The following POTEI variants were observed in gnomAD, a reference collection of about 807,000 sequenced individuals.
POTEI encodes POTE ankyrin domain family, member I.
Under a neutral mutation model 43.4 loss-of-function variants are expected in POTEI, and 14 were observed. The ratio of observed to expected loss-of-function variants is 0.32; its 90% confidence interval spans 0.21 to 0.50. The LOEUF (loss-of-function observed/expected upper bound fraction) is 0.50. POTEI is among the 20% of genes least tolerant of loss of function. POTEI has a pLI of 0.98. For missense variants in POTEI, 235 were observed against 795.4 expected, an observed-to-expected ratio of 0.30 and a Z score of 8.47; for synonymous variants, 95 against 297.9, an observed-to-expected ratio of 0.32 and a Z score of 7.01.
chr2:130,483,846 G>T (rs1377129584), intron 9 of POTEI, among the ~76,000 whole-genome samples: 1 of 150,646 alleles, frequency 6.6e-6, no homozygotes, highest in Non-Finnish European at 1.5e-5. Flanking sequence ...CTCCCAAAGT[G>T]CTGTGATTAC....
chr2:130,461,034 AG>A lies in POTEI; in HGVS notation c.*1781del, dbSNP rs1297772651. The A allele has an allele frequency of 6.6e-6, 1 of 150,626 alleles. No homozygotes were observed. Among genetic ancestry groups the A allele is most frequent in the Non-Finnish European group, 1.5e-5 (1 of 67,982 alleles). 9.3% of individuals were successfully genotyped at this position (150,626 alleles called of 1,614,324 possible). ...CTAATTGCCTTGTATTTTCCAGGGAAGATGATAGTCTGCCCCTTCCTCTGGA... is the reference window on the plus strand; with the variant it reads ...CTAATTGCCTTGTATTTTCCAGGGAAATGATAGTCTGCCCCTTCCTCTGGA... On this transcript the variant is annotated 3_prime_UTR_variant, in exon 15 of 15. Transcript: ENST00000451531.
intron 9 of POTEI, among the ~76,000 whole-genome samples, chr2:130,482,508 A>G (rs1394864610): frequency 6.6e-6 from 1 of 150,658 alleles, no homozygotes; most frequent in Non-Finnish European, 1.5e-5. Flanking sequence ...TGCTCAAAGA[A>G]ATAGTAAAAC....
intron 13 of POTEI, among the ~76,000 whole-genome samples, chr2:130,468,701 A>T (rs1682939495): frequency 1.1e-5 from 1 of 94,244 alleles, no homozygotes; most frequent in Admixed American, 1.1e-4. Context: ...AAGCCAAACT[A>T]TTGGGGGGGG....
At chr2:130,482,466 A>G (rs1347351097) in intron 9 of POTEI, among the ~76,000 whole-genome samples, 11 of 150,662 alleles carry the variant, frequency 7.3e-5, no homozygotes, top group Admixed American at 1.3e-4. Flanking sequence ...CTAGGTTGTT[A>G]TAATGATTTA....
Position 130,462,427 on chromosome 2 carries a change from T to G in POTEI, c.*389A>C, listed in dbSNP as rs1573904755. The G allele has an allele frequency of 4.1e-6, 1 of 243,214 alleles. No individual in the cohort carries two copies. Among genetic ancestry groups the G allele is most frequent in the East Asian group, 1.2e-4 (1 of 8,254 alleles). The allele number at this position is 243,214 out of a possible 1,614,324, so 15.1% of individuals were successfully genotyped here. On this transcript the variant is annotated 3_prime_UTR_variant, in exon 15 of 15. Coordinates refer to ENST00000451531, the MANE Select transcript of POTEI (RefSeq NM_001277406.2). The stretch of plus-strand genomic sequence containing the variant: ...CGAAGATTCAAAAAATTTTGCATTA[T>G]GTAATCTGCACAAAAGCAATGCTAT...
At chr2:130,474,064 C>T in intron 13 of POTEI, among the ~76,000 whole-genome samples, 1 of 147,088 alleles carries the variant, frequency 6.8e-6, no homozygotes, top group Non-Finnish European at 1.5e-5. Flanking sequence ...ATAATCTGTA[C>T]CCCAAGCCTC....
intron 1 of POTEI, among the ~76,000 whole-genome samples, chr2:130,507,025 G>A (rs866125709): frequency 2.7e-5 from 4 of 148,082 alleles, no homozygotes; most frequent in Non-Finnish European, 6.0e-5. Flanking sequence ...AGCACTTGGG[G>A]AGGCCAAGGT....
At chr2:130,494,893 G>T (rs1357408505) in intron 6 of POTEI, among the ~76,000 whole-genome samples, 1 of 86,372 alleles carries the variant, frequency 1.2e-5, no homozygotes, top group African/African-American at 3.0e-5. Context: ...TCATAAACTT[G>T]CCTTAGCTAA....
chr2:130,508,079 C>T (rs1393597383), intron 1 of POTEI, among the ~76,000 whole-genome samples: 4 of 4,428 alleles, frequency 9.0e-4, no homozygotes, highest in African/African-American at 9.7e-4. Context: ...AGGGTTTCAC[C>T]GTGTTAGCCA....
At chr2:130,468,707 G>A (rs866784091) in intron 13 of POTEI, among the ~76,000 whole-genome samples, 4 of 151,098 alleles carry the variant, frequency 2.6e-5, no homozygotes, top group South Asian at 2.1e-4. Flanking sequence ...AACTATTGGG[G>A]GGGGGGGTAT....
At chr2:130,479,314 G>C (rs987608411) in intron 10 of POTEI, among the ~76,000 whole-genome samples, 2 of 149,426 alleles carry the variant, frequency 1.3e-5, no homozygotes, top group African/African-American at 5.0e-5. Flanking sequence ...GCATAACGAA[G>C]GCCAACATAG....
At chr2:130,484,952 G>C (rs1240950377) in intron 9 of POTEI, among the ~76,000 whole-genome samples, 1 of 152,244 alleles carries the variant, frequency 6.6e-6, no homozygotes, top group Admixed American at 6.5e-5. Context: ...CAGAGGGACA[G>C]ATGAGTCAAG....
intron 13 of POTEI, among the ~76,000 whole-genome samples, chr2:130,469,138 T>TTA (rs1573912029): frequency 1.2e-4 from 1 of 8,260 alleles, no homozygotes; most frequent in East Asian, 0.021. Flanking sequence ...AGATGATGTA[T>TTA]CAAAAAAAAA....
chr2:130,483,717 C>G (rs1002874901), intron 9 of POTEI, among the ~76,000 whole-genome samples: 8 of 147,194 alleles, frequency 5.4e-5, no homozygotes, highest in Non-Finnish European at 1.0e-4. Flanking sequence ...GCCTCAGCCT[C>G]CATAGCAGCT....
intron 13 of POTEI, among the ~76,000 whole-genome samples, chr2:130,468,048 TATGGAG>T (rs1666693930): frequency 8.3e-6 from 1 of 120,916 alleles, no homozygotes; most frequent in African/African-American, 3.3e-5. Flanking sequence ...TGGAAAACAG[TATGGAG>T]AGTTCTCAAA....
chr2:130,478,615 A>G (rs1287536184), intron 10 of POTEI, among the ~76,000 whole-genome samples: 1 of 131,650 alleles, frequency 7.6e-6, no homozygotes, highest in Non-Finnish European at 1.5e-5. Context: ...TATGACATGA[A>G]GCCAAGCAGG....
At chr2:130,477,344 G>C (rs1181625626) in intron 10 of POTEI, among the ~76,000 whole-genome samples, 7 of 144,106 alleles carry the variant, frequency 4.9e-5, no homozygotes, top group Admixed American at 2.7e-4. Context: ...AGTAGAGATG[G>C]GGTTTCACCA....
rs1167696391 is a variant in POTEI, at chr2:130,489,666, T to C, written c.1198-387A>G. ...TGTAGTGTTCCAAAATCTTCCTCAC[T>C]TGAAAAGAGTTTACCTCATGAAACC... On this transcript the variant is annotated intron_variant, in intron 7 of 14. Coordinates refer to ENST00000451531, the MANE Select transcript of POTEI (RefSeq NM_001277406.2). 2.2e-4 allele frequency among the ~76,000 whole-genome samples: 2 copies of C among 9,032 alleles called. 1 individual carries two copies. The highest frequency in any genetic ancestry group is 2.4e-4 in the African/African-American group (2 of 8,404). 5.9% of individuals were successfully genotyped at this position (9,032 alleles called of 152,430 possible).
At chr2:130,468,783 AT>A (rs1682947814) in intron 13 of POTEI, among the ~76,000 whole-genome samples, 1 of 152,144 alleles carries the variant, frequency 6.6e-6, no homozygotes, top group Admixed American at 6.5e-5. Context: ...ATTACTTATG[AT>A]TTTGTTTGAA....
Sources: allele counts gnomAD v4.1 joint callset (sites outside exome capture counted in the v4.1 genomes callset), GRCh38; gene constraint gnomAD v4.1.1; transcripts MANE v1.5; gene names NCBI Gene and HGNC (gene_info 2026-07-23, HGNC 2026-07-21).